Variants in SUGCT observed in about 807,000 individuals in gnomAD.
SUGCT encodes the protein succinyl-CoA:glutarate-CoA transferase.
Under a neutral mutation model 55.0 loss-of-function variants are expected in SUGCT, and 41 were observed. The ratio of observed to expected loss-of-function variants is 0.74; its 90% confidence interval spans 0.58 to 0.97. SUGCT has a LOEUF of 0.97. Ranked by LOEUF, SUGCT falls within the 50% of genes least tolerant of loss-of-function variation. The pLI is 0.00. For synonymous variants in SUGCT, 187 were observed against 200.4 expected (o/e 0.93, Z 0.56); for missense variants, 568 against 547.8 (o/e 1.04, Z -0.37).
chr7:40,617,481 G>A (rs1034144936), intron 12 of SUGCT, among the ~76,000 whole-genome samples: 4 of 136,726 alleles, frequency 2.9e-5, no homozygotes, highest in African/African-American at 1.4e-4. Context: ...TTATATGTGT[G>A]TGTGTGTGTG....
chr7:40,695,563 T>G (rs945148987), intron 12 of SUGCT, among the ~76,000 whole-genome samples: 13 of 152,200 alleles, frequency 8.5e-5, no homozygotes, highest in Admixed American at 3.9e-4. Context: ...AAATATATTG[T>G]AATTTTAATG....
chr7:40,947,024 C>T, the SUGCT span, among the ~76,000 whole-genome samples: 1 of 152,108 alleles, frequency 6.6e-6, no homozygotes. Context: ...GGAAATTTTT[C>T]ATGCATTTTA....
chr7:40,336,266 A>T (rs1394684119), intron 9 of SUGCT, among the ~76,000 whole-genome samples: 1 of 152,194 alleles, frequency 6.6e-6, no homozygotes, highest in African/African-American at 2.4e-5. Flanking sequence ...GCCTCATAAA[A>T]TGAGTTAGGG....
chr7:40,401,660 G>A (rs1786075674), intron 9 of SUGCT, among the ~76,000 whole-genome samples: 1 of 152,136 alleles, frequency 6.6e-6, no homozygotes, highest in Admixed American at 6.6e-5. Flanking sequence ...TAGGGAAAAT[G>A]CACTCACAAT....
rs376568036 is a variant in SUGCT, at chr7:40,824,386, C to CAGAGGGAGG, written c.1154-35927_1154-35919dup. 2.8e-3 allele frequency among the ~76,000 whole-genome samples: 429 copies of CAGAGGGAGG among 152,020 alleles called. 1 individual carries two copies. The highest frequency in any genetic ancestry group is 9.9e-3 in the African/African-American group (412 of 41,460). ...TGTGTGTGTGTTGGGGAGGCAAGAA[C>CAGAGGGAGG]AGAGGGAGGAGGGGAAAAACATCAG... On this transcript the variant is annotated intron_variant, in intron 13 of 13. Coordinates refer to ENST00000335693, the MANE Select transcript of SUGCT (RefSeq NM_001193313.2).
chr7:40,576,727 A>G (rs996012642), intron 12 of SUGCT, among the ~76,000 whole-genome samples: 51 of 152,194 alleles, frequency 3.4e-4, no homozygotes, highest in African/African-American at 1.0e-3. Flanking sequence ...TATCATCTGA[A>G]CTCTTTCATC....
intron 9 of SUGCT, among the ~76,000 whole-genome samples, chr7:40,437,185 A>AATAT (rs1001639091): frequency 1.3e-5 from 2 of 152,192 alleles, no homozygotes; most frequent in Non-Finnish European, 2.9e-5. Flanking sequence ...AAGAATAGAA[A>AATAT]ATATATGAGG....
intron 12 of SUGCT, among the ~76,000 whole-genome samples, chr7:40,690,608 C>G (rs1784652348): frequency 6.6e-6 from 1 of 151,924 alleles, no homozygotes; most frequent in Admixed American, 6.6e-5. Flanking sequence ...AACTCTGTCG[C>G]TCAGGCTGTA....
intron 13 of SUGCT, among the ~76,000 whole-genome samples, chr7:40,791,858 G>C (rs1332683755): frequency 1.3e-5 from 2 of 152,164 alleles, no homozygotes; most frequent in Non-Finnish European, 2.9e-5. Context: ...TGTGACACAA[G>C]CTCCCTTTGG....
intron 13 of SUGCT, among the ~76,000 whole-genome samples, chr7:40,761,245 CTTTG>C (rs1174218769): frequency 6.6e-6 from 1 of 152,094 alleles, no homozygotes; most frequent in Admixed American, 6.5e-5. Flanking sequence ...AAACTGGCCC[CTTTG>C]TTTGTTTTCC....
intron 9 of SUGCT, among the ~76,000 whole-genome samples, chr7:40,440,991 T>A (rs1413059631): frequency 6.6e-6 from 1 of 152,092 alleles, no homozygotes; most frequent in Non-Finnish European, 1.5e-5. Context: ...GGTTTTGTAC[T>A]TTTCTTTTCC....
chr7:40,830,314 C>T (rs1792589835), intron 13 of SUGCT, among the ~76,000 whole-genome samples: 2 of 152,160 alleles, frequency 1.3e-5, no homozygotes. Context: ...GAAAGTCCTT[C>T]CAGCGGTTTG....
At chr7:40,714,746 GTAA>G (rs948002980) in intron 12 of SUGCT, among the ~76,000 whole-genome samples, 3 of 152,126 alleles carry the variant, frequency 2.0e-5, no homozygotes, top group African/African-American at 7.2e-5. Flanking sequence ...AAAGCTGATT[GTAA>G]TACCCTGGAA....
the SUGCT span, among the ~76,000 whole-genome samples, chr7:40,935,291 A>G: frequency 6.6e-6 from 1 of 152,218 alleles, no homozygotes; most frequent in East Asian, 1.9e-4. Context: ...ATAGTATACA[A>G]TTCATGGTTT....
At chr7:40,645,020 G>A (rs773080739) in intron 12 of SUGCT, among the ~76,000 whole-genome samples, 1 of 152,124 alleles carries the variant, frequency 6.6e-6, no homozygotes, top group Non-Finnish European at 1.5e-5. Flanking sequence ...CTTCCTGCCC[G>A]CTGCAGGCCT....
intron 9 of SUGCT, among the ~76,000 whole-genome samples, chr7:40,389,442 A>AAAACAAACAAAC (rs67574547): frequency 0.034 from 3,670 of 107,294 alleles, 107 homozygotes; most frequent in South Asian, 0.092. Flanking sequence ...CGCCTGTCTC[A>AAAACAAACAAAC]AAACAAACAA....
chr7:40,529,058 C>T (rs1414942001), intron 12 of SUGCT, among the ~76,000 whole-genome samples: 1 of 152,138 alleles, frequency 6.6e-6, no homozygotes, highest in African/African-American at 2.4e-5. Context: ...GGGAAATTCC[C>T]ACAACATAGG....
chr7:40,957,474 G>GTTTTTTTTT, the SUGCT span, among the ~76,000 whole-genome samples: 1 of 33,028 alleles, frequency 3.0e-5, no homozygotes, highest in Non-Finnish European at 6.5e-5. Context: ...TTTTTTTTTG[G>GTTTTTTTTT]CTTTCCATTT....
the SUGCT span, among the ~76,000 whole-genome samples, chr7:40,878,092 CT>C: frequency 2.4e-3 from 360 of 152,124 alleles, 4 homozygotes; most frequent in African/African-American, 7.9e-3. Flanking sequence ...GTTTCTTCTT[CT>C]TTTTTTAAAA....
Sources: allele counts gnomAD v4.1 joint callset (sites outside exome capture counted in the v4.1 genomes callset), GRCh38; gene constraint gnomAD v4.1.1; transcripts MANE v1.5; gene names NCBI Gene and HGNC (gene_info 2026-07-23, HGNC 2026-07-21).